Variants in RIMS2 observed in about 807,000 individuals in gnomAD.
RIMS2 encodes regulating synaptic membrane exocytosis 2, also known as regulating synaptic membrane exocytosis protein 2.
Under a neutral mutation model 174.4 loss-of-function variants are expected in RIMS2, and 59 were observed. The observed-to-expected ratio is 0.34, with a 90% CI of 0.27 to 0.42. RIMS2 has a LOEUF of 0.42. RIMS2 is among the 10% of genes least tolerant of loss of function. RIMS2 has a pLI of 1.00. For missense variants in RIMS2, 1,620 were observed against 1,666.3 expected, an observed-to-expected ratio of 0.97 and a Z score of 0.48; for synonymous variants, 606 against 572.5, an observed-to-expected ratio of 1.06 and a Z score of -0.84.
chr8:103,959,306 T>C (rs2088913536), intron 14 of RIMS2, among the ~76,000 whole-genome samples: 1 of 152,212 alleles, frequency 6.6e-6, no homozygotes, highest in African/African-American at 2.4e-5. Context: ...TTATTTTTTA[T>C]TTTTTGTATC....
chr8:103,605,621 A>T (rs1442841503), intron 1 of RIMS2, among the ~76,000 whole-genome samples: 1 of 151,958 alleles, frequency 6.6e-6, no homozygotes, highest in Admixed American at 6.5e-5. Flanking sequence ...CTGTGAATCC[A>T]TCTGGTCCTG....
intron 2 of RIMS2, among the ~76,000 whole-genome samples, chr8:103,719,642 A>G (rs780091177): frequency 2.0e-4 from 30 of 152,340 alleles, no homozygotes; most frequent in Non-Finnish European, 4.3e-4. Context: ...TCTATTTTAC[A>G]TAGGATCAAA....
rs2086173781 is a variant in RIMS2, at chr8:103,953,669, GACA to G, written c.2702-7395_2702-7393del. Among the ~76,000 whole-genome samples the G allele has an allele frequency of 2.0e-5, 3 of 152,058 alleles. No homozygotes were observed. In the East Asian group the frequency reaches 5.8e-4, roughly 29 times the overall value. On this transcript the variant is annotated intron_variant, in intron 14 of 23. Transcript: ENST00000504942. ...AACACACCAAATTGTAAAGACCATC[GACA>G]TTATGAAGAAACTGCATAAACTCAT... is the stretch of plus-strand genomic sequence containing the variant.
intron 3 of RIMS2, among the ~76,000 whole-genome samples, chr8:103,800,545 T>C (rs1360771220): frequency 6.6e-6 from 1 of 152,244 alleles, no homozygotes; most frequent in Non-Finnish European, 1.5e-5. Flanking sequence ...TGAATGGCTA[T>C]GAAATTTTGT....
At chr8:104,083,049 T>C (rs189095982) in intron 19 of RIMS2, among the ~76,000 whole-genome samples, 306 of 152,288 alleles carry the variant, frequency 2.0e-3, no homozygotes, top group Non-Finnish European at 2.1e-3. Flanking sequence ...CCAAATGGTC[T>C]TTCTGTAAGC....
At chr8:104,171,629 T>C (rs1445715686) in intron 19 of RIMS2, among the ~76,000 whole-genome samples, 1 of 152,150 alleles carries the variant, frequency 6.6e-6, no homozygotes, top group African/African-American at 2.4e-5. Flanking sequence ...TTCTGAATTT[T>C]TTATCTGGCA....
intron 19 of RIMS2, among the ~76,000 whole-genome samples, chr8:104,132,410 G>A (rs1038916965): frequency 7.2e-5 from 11 of 152,082 alleles, no homozygotes; most frequent in African/African-American, 2.7e-4. Context: ...ATGCTATCTA[G>A]AGCTAATGTT....
At chr8:103,985,950 G>A (rs993934715) in intron 16 of RIMS2, among the ~76,000 whole-genome samples, 1 of 152,114 alleles carries the variant, frequency 6.6e-6, no homozygotes, top group Non-Finnish European at 1.5e-5. Flanking sequence ...AGCCTGGTGG[G>A]GTGAGAAGAT....
At chr8:104,081,593 A>G (rs1200604363) in intron 19 of RIMS2, among the ~76,000 whole-genome samples, 2 of 152,018 alleles carry the variant, frequency 1.3e-5, no homozygotes, top group Non-Finnish European at 2.9e-5. Context: ...TTGCTTGCCC[A>G]GTGTCCCATT....
At chr8:103,951,708 T>C (rs2085414247) in intron 14 of RIMS2, among the ~76,000 whole-genome samples, 1 of 152,144 alleles carries the variant, frequency 6.6e-6, no homozygotes, top group Admixed American at 6.6e-5. Context: ...CACAGGAGTT[T>C]TGCTTTTCAT....
At chr8:103,974,375 G>A (rs1050757048) in intron 15 of RIMS2, among the ~76,000 whole-genome samples, 2 of 152,142 alleles carry the variant, frequency 1.3e-5, no homozygotes, top group African/African-American at 4.8e-5. Context: ...ATTACTAATA[G>A]CCACAAAGAG....
At chr8:103,625,909 AT>A (rs1216993071) in intron 1 of RIMS2, among the ~76,000 whole-genome samples, 3 of 151,688 alleles carry the variant, frequency 2.0e-5, no homozygotes, top group South Asian at 2.1e-4. Context: ...GTGTGTATAT[AT>A]TATATATATA....
intron 11 of RIMS2, among the ~76,000 whole-genome samples, chr8:103,930,265 T>C (rs887269225): frequency 6.6e-6 from 1 of 152,090 alleles, no homozygotes; most frequent in Non-Finnish European, 1.5e-5. Context: ...TGTCTCATAC[T>C]CTAGGATATG....
At position 103,932,752 on chromosome 8, in the gene RIMS2, A is replaced by G. The variant is rs191915043; in HGVS notation, c.2375+1359A>G. Reference sequence around the variant, plus strand: ...TAACCCCTCTTTCTGTATTCTGACCAGATAGAGCTAAAATGGAAGCTCTTC... The same window carrying G: ...TAACCCCTCTTTCTGTATTCTGACCGGATAGAGCTAAAATGGAAGCTCTTC... On this transcript the variant is annotated intron_variant, in intron 12 of 23. Coordinates refer to ENST00000504942, the Ensembl canonical transcript of RIMS2. Among the ~76,000 whole-genome samples the G allele has an allele frequency of 2.0e-3, 298 of 152,354 alleles. 2 individuals are homozygous for G. The highest frequency in any genetic ancestry group is 6.6e-3 in the African/African-American group (276 of 41,586).
At chr8:103,556,585 C>A (rs1228855409) in intron 1 of RIMS2, among the ~76,000 whole-genome samples, 1 of 152,118 alleles carries the variant, frequency 6.6e-6, no homozygotes, top group Non-Finnish European at 1.5e-5. Context: ...TTTATACCTA[C>A]CTCTTCTCCA....
chr8:103,546,871 A>G (rs1845366142), intron 1 of RIMS2, among the ~76,000 whole-genome samples: 2 of 152,122 alleles, frequency 1.3e-5, no homozygotes, highest in Admixed American at 1.3e-4. Context: ...TTTGCTTTTC[A>G]TCTGTGCCTT....
At chr8:103,992,414 C>T (rs2094783274) in intron 17 of RIMS2, among the ~76,000 whole-genome samples, 1 of 151,762 alleles carries the variant, frequency 6.6e-6, no homozygotes, top group Non-Finnish European at 1.5e-5. Context: ...GCATGAGCCA[C>T]CGCGCCTGGC....
In RIMS2 at chr8:103,601,393, C is replaced by T. The variant is rs183185401; in HGVS notation, c.177-95693C>T. On this transcript the variant is annotated intron_variant, in intron 1 of 23. Transcript: ENST00000504942. Reference sequence around the variant, plus strand: ...TATTTACAATAATTATATCCTGTTGCTGGATTGAACACTTTATCATATAAT... The same window carrying T: ...TATTTACAATAATTATATCCTGTTGTTGGATTGAACACTTTATCATATAAT... Among the ~76,000 whole-genome samples the T allele has an allele frequency of 7.9e-5, 12 of 152,264 alleles. No homozygotes were observed. The East Asian group carries it at 2.3e-3, about 29-fold the overall frequency.
chr8:103,870,135 GTTT>G (rs35075712), intron 3 of RIMS2, among the ~76,000 whole-genome samples: 16 of 144,378 alleles, frequency 1.1e-4, no homozygotes, highest in Middle Eastern at 3.5e-3. Flanking sequence ...AAGGACAGCT[GTTT>G]TTTTTTTTTT....
Sources: gnomAD v4.1 joint callset for allele counts (sites outside exome capture counted in the v4.1 genomes callset) on GRCh38, gnomAD v4.1.1 for gene constraint, MANE v1.5 for transcripts, NCBI Gene and HGNC (gene_info 2026-07-23, HGNC 2026-07-21) for gene names.